SLC38A6: variants seen among roughly 807,000 people sequenced by gnomAD.
The protein encoded by SLC38A6 is solute carrier family 38 member 6.
A neutral mutation model predicts 65.0 loss-of-function variants in SLC38A6; 73 were observed. That is an observed-to-expected ratio of 1.12 (90% confidence interval 0.93 to 1.37). The LOEUF is 1.37. SLC38A6 is among the 40% of genes most tolerant of loss of function. SLC38A6 has a pLI of 0.00. For synonymous variants in SLC38A6, 183 were observed against 178.8 expected (o/e 1.02, Z -0.19); for missense variants, 561 against 531.1 (o/e 1.06, Z -0.55).
At chr14:61,038,867 T>A (rs2041587501) in intron 8 of SLC38A6, among the ~76,000 whole-genome samples, 1 of 152,172 alleles carries the variant, frequency 6.6e-6, no homozygotes, top group African/African-American at 2.4e-5. Context: ...GACTTATATC[T>A]TACAGATAAG....
chr14:60,993,356 G>A (rs1227661911), intron 3 of SLC38A6, among the ~76,000 whole-genome samples: 1 of 152,166 alleles, frequency 6.6e-6, no homozygotes, highest in Non-Finnish European at 1.5e-5. Context: ...TAACTCCAGA[G>A]TCCACTTTCA....
rs765704211 is a variant in SLC38A6 at position 61,046,159 on chromosome 14, C to G, written c.917C>G (p.Thr306Ser). 11 of 1,583,454 alleles carry G rather than the reference C, an allele frequency of 6.9e-6. No homozygotes were observed. The Admixed American group carries it at 1.8e-4, about 27-fold the overall frequency. The part of the protein sequence containing the change: ...YFISALFGYL[T>S]FYDKVESELL... ...ATATCTGCACTCTTTGGGTACCTCA[C>G]TTTTTATGGTAAGTACATTTTAAAA... Residue 306 changes from threonine to serine, a missense_variant, in exon 12 of 16, where the codon ACT (threonine) becomes AGT (serine). Coordinates refer to ENST00000267488, the MANE Select transcript of SLC38A6 (RefSeq NM_153811.3).
At chr14:61,076,167 T>G (rs1031846538) in intron 15 of SLC38A6, among the ~76,000 whole-genome samples, 2 of 152,172 alleles carry the variant, frequency 1.3e-5, no homozygotes, top group African/African-American at 4.8e-5. Context: ...CAACTCAACT[T>G]CTACTTAGAT....
At chr14:60,996,568 T>C (rs1390405865) in intron 3 of SLC38A6, among the ~76,000 whole-genome samples, 1 of 152,146 alleles carries the variant, frequency 6.6e-6, no homozygotes, top group Non-Finnish European at 1.5e-5. Flanking sequence ...TAGAAAATTA[T>C]TAACAAAATA....
chr14:60,984,750 C>T lies in SLC38A6; in HGVS notation c.257C>T (p.Ala86Val), dbSNP rs751304655. The T allele has an allele frequency of 1.9e-6, 3 of 1,613,874 alleles. No homozygotes were observed. Among genetic ancestry groups the T allele is most frequent in the African/African-American group, 2.7e-5 (2 of 74,924 alleles). ...TTTAGCTTCTTGCTGCTGACAGTTG[C>T]TCTCCTGGCTTCTTACTCAGTCCAT... ...FGFSFLLLTVALLASYSVHLL... is the reference protein window; with the variant it reads ...FGFSFLLLTVVLLASYSVHLL... Residue 86 changes from alanine (A) to valine (V), a missense_variant, in exon 3 of 16, where the codon GCT (alanine) becomes GTT (valine). Physicochemically the swap from Ala to Val is moderately conservative, Grantham distance 64 (BLOSUM62 0). Transcript: ENST00000267488.
intron 3 of SLC38A6, among the ~76,000 whole-genome samples, chr14:61,001,391 C>G (rs2038699631): frequency 6.6e-6 from 1 of 152,148 alleles, no homozygotes. Flanking sequence ...TTAAGTGTTC[C>G]CTTAAGCAGA....
chr14:61,005,787 C>G (rs1452531366), intron 3 of SLC38A6, among the ~76,000 whole-genome samples: 2 of 152,086 alleles, frequency 1.3e-5, no homozygotes, highest in African/African-American at 4.8e-5. Context: ...AATGCCATCC[C>G]CATCAAGCTA....
chr14:61,073,199 C>T (rs2043288228), intron 15 of SLC38A6, among the ~76,000 whole-genome samples: 1 of 152,162 alleles, frequency 6.6e-6, no homozygotes, highest in Admixed American at 6.5e-5. Flanking sequence ...AATGTCTATT[C>T]AAATATTTTG....
chr14:61,050,832 A>C (rs1388944670), intron 13 of SLC38A6, among the ~76,000 whole-genome samples, 196 bp downstream of exon 13: 1 of 152,134 alleles, frequency 6.6e-6, no homozygotes, highest in Admixed American at 6.5e-5. Flanking sequence ...CACTAAGCTA[A>C]TTTGTGCTTT....
chr14:61,077,212 T>C (rs2043450748), intron 15 of SLC38A6, among the ~76,000 whole-genome samples: 4 of 152,210 alleles, frequency 2.6e-5, no homozygotes, highest in Admixed American at 2.0e-4. Context: ...CAGTGAAAAC[T>C]TTCTCATAGA....
rs71114180 is a variant in SLC38A6 at position 61,040,338 on chromosome 14, A to AT, written c.624+2674dup. On this transcript the variant is annotated intron_variant, in intron 8 of 15. Transcript: ENST00000267488. ...AGCTGCATACCACCACGCCTGGATA[A>AT]TTTTTTTTTTTTTTTTTTTGAGATG... 5.7e-3 allele frequency among the ~76,000 whole-genome samples: 768 copies of AT among 134,712 alleles called. 1 individual carries two copies. The highest frequency in any genetic ancestry group is 8.1e-3 in the East Asian group (38 of 4,702). The allele number at this position is 134,712 out of a possible 152,430, so 88.4% of individuals were successfully genotyped here. A position where few individuals can be genotyped will look rare whatever the true frequency, so the allele number is the denominator to read the frequency against.
rs557433041 is a variant in SLC38A6 at position 61,043,198 on chromosome 14, G to C, written c.676G>C (p.Glu226Gln). Reference sequence around the variant, plus strand: ...TTGTCCTCTGACATTAAATTATGTAGAGAAAGGTTTCCAGGTAATAGCTTA... The same window carrying C: ...TTGTCCTCTGACATTAAATTATGTACAGAAAGGTTTCCAGGTAATAGCTTA... ...IPCPLTLNYV[E>Q]KGFQISNVTD... is the part of the protein sequence containing the mutation. Residue 226 changes from glutamate to glutamine, a missense_variant, in exon 9 of 16, where the codon GAG becomes CAG. Physicochemically the swap from Glu to Gln is conservative, Grantham distance 29 (BLOSUM62 2). Coordinates refer to ENST00000267488, the MANE Select transcript of SLC38A6 (RefSeq NM_153811.3). 1 of 1,530,840 alleles carries C rather than the reference G, an allele frequency of 6.5e-7. No homozygotes were observed. Among genetic ancestry groups the C allele is most frequent in the Admixed American group, 1.9e-5 (1 of 51,688 alleles). The allele number at this position is 1,530,840 out of a possible 1,614,324, so 94.8% of individuals were successfully genotyped here.
At chr14:61,025,586 G>A (rs2040565956) in intron 5 of SLC38A6, among the ~76,000 whole-genome samples, 2 of 151,972 alleles carry the variant, frequency 1.3e-5, no homozygotes, top group Non-Finnish European at 2.9e-5. Flanking sequence ...CTTTTTTAAG[G>A]TTTTGAAAAT....
At chr14:61,013,299 G>C (rs1187072978) in intron 3 of SLC38A6, among the ~76,000 whole-genome samples, 3 of 152,074 alleles carry the variant, frequency 2.0e-5, no homozygotes, top group Non-Finnish European at 4.4e-5. Context: ...AGATGGGTCT[G>C]CTGAATACAG....
At chr14:61,026,696 C>T (rs1299046127) in intron 5 of SLC38A6, among the ~76,000 whole-genome samples, 2 of 151,698 alleles carry the variant, frequency 1.3e-5, no homozygotes, top group African/African-American at 4.8e-5. Flanking sequence ...TTTCTCATGG[C>T]ATACTAGTTA....
chr14:61,052,584 G>A lies in SLC38A6; in HGVS notation c.*155G>A, dbSNP rs2042569938. ...GCAGTGGGTATGGGGAAGTAAGAGT[G>A]TGGCAGTTTTAATCAAAAAAAGAAA... On this transcript the variant is annotated 3_prime_UTR_variant, in exon 16 of 16. Transcript: ENST00000267488. 1 of 1,113,932 alleles carries A rather than the reference G, an allele frequency of 9.0e-7. No homozygotes were observed. Among genetic ancestry groups the A allele is most frequent in the Non-Finnish European group, 1.2e-6 (1 of 850,832 alleles). The allele number at this position is 1,113,932 out of a possible 1,614,324, so 69.0% of individuals were successfully genotyped here.
At chr14:60,998,449 C>T (rs527806984) in intron 3 of SLC38A6, among the ~76,000 whole-genome samples, 1 of 152,182 alleles carries the variant, frequency 6.6e-6, no homozygotes, top group East Asian at 1.9e-4. Flanking sequence ...GGCCATGGGA[C>T]AGCAGAACTC....
chr14:60,998,894 C>T (rs1279104345), intron 3 of SLC38A6, among the ~76,000 whole-genome samples: 1 of 152,222 alleles, frequency 6.6e-6, no homozygotes, highest in Non-Finnish European at 1.5e-5. Context: ...GGGACTCTCC[C>T]GTTTCAACTT....
chr14:60,999,282 A>G (rs1335818107), intron 3 of SLC38A6, among the ~76,000 whole-genome samples: 1 of 152,188 alleles, frequency 6.6e-6, no homozygotes, highest in Non-Finnish European at 1.5e-5. Context: ...CTGGCAAAGA[A>G]AACGTAGTCT....
Sources: allele counts gnomAD v4.1 joint callset (sites outside exome capture counted in the v4.1 genomes callset), GRCh38; gene constraint gnomAD v4.1.1; transcripts MANE v1.5; gene names NCBI Gene and HGNC (gene_info 2026-07-23, HGNC 2026-07-21).